CATSPERG: variants seen among roughly 807,000 people sequenced by gnomAD.
The protein encoded by CATSPERG is cation channel sperm-associated auxiliary subunit gamma.
A neutral mutation model predicts 145.0 loss-of-function variants in CATSPERG; 115 were observed. That is an observed-to-expected ratio of 0.79 (90% confidence interval 0.68 to 0.93). CATSPERG has a LOEUF of 0.93. Ranked by LOEUF, CATSPERG falls within the 40% of genes least tolerant of loss-of-function variation. The pLI is 0.00. For synonymous variants in CATSPERG, 588 were observed against 589.0 expected, an observed-to-expected ratio of 1.00 and a Z score of 0.02; for missense variants, 1,296 against 1,490.1, an observed-to-expected ratio of 0.87 and a Z score of 2.14.
intron 20 of CATSPERG, among the ~76,000 whole-genome samples, chr19:38,363,617 C>A (rs989546335): frequency 6.6e-6 from 1 of 151,500 alleles, no homozygotes; most frequent in Non-Finnish European, 1.5e-5. Flanking sequence ...TGGGGCCTTC[C>A]GCAGTGTTTG....
intron 3 of CATSPERG, 110 bp from the exon 4 acceptor site, chr19:38,343,470 G>A (rs1445118323): frequency 3.1e-6 from 3 of 970,346 alleles, no homozygotes; most frequent in Non-Finnish European, 4.5e-6. Flanking sequence ...ATGGTGGACA[G>A]TGTGCTGCCC....
chr19:38,338,509 A>G (rs183234084), intron 3 of CATSPERG, among the ~76,000 whole-genome samples: 2 of 152,060 alleles, frequency 1.3e-5, no homozygotes, highest in African/African-American at 4.8e-5. Context: ...ACACACCATA[A>G]AATTCACCAT....
At chr19:38,337,559 A>G (rs759300410) in intron 2 of CATSPERG, 34 bp from the exon 3 acceptor site, 1 of 1,551,812 alleles carries the variant, frequency 6.4e-7, no homozygotes, top group South Asian at 1.2e-5. Flanking sequence ...CACTCCACTC[A>G]TTTCTGGACG....
In CATSPERG at chr19:38,344,902, T is replaced by TATATATA. The variant is rs1491474100; in HGVS notation, c.669+534_669+535insATATATA. 1.7e-3 allele frequency among the ~76,000 whole-genome samples: 110 copies of TATATATA among 64,814 alleles called. 4 individuals carry two copies. The highest frequency in any genetic ancestry group is 5.5e-3 in the East Asian group (6 of 1,096). The allele number at this position is 64,814 out of a possible 152,430, so 42.5% of individuals were successfully genotyped here. On this transcript the variant is annotated intron_variant, in intron 6 of 28. Transcript: ENST00000409235. ...ACACACATATATATATATATATATATTTTTTTTTTTTTTTTTTTTTTTGAG... is the reference window on the plus strand; with the variant it reads ...ACACACATATATATATATATATATATATATATATTTTTTTTTTTTTTTTTTTTTTGAG...
intron 14 of CATSPERG, 121 bp from the exon 15 acceptor site, chr19:38,360,368 G>A: frequency 6.7e-7 from 1 of 1,498,164 alleles, no homozygotes; most frequent in Non-Finnish European, 8.9e-7. Context: ...TGGTCCCAGT[G>A]GAGGTGAGTT....
At position 38,344,896 on chromosome 19, in the gene CATSPERG, TATATA is replaced by T. The variant is rs1348620866; in HGVS notation, c.669+529_669+533del. 1.8e-4 allele frequency among the ~76,000 whole-genome samples: 20 copies of T among 111,084 alleles called. 4 individuals carry two copies. The highest frequency in any genetic ancestry group is 1.2e-3 in the South Asian group (4 of 3,276). 72.9% of individuals were successfully genotyped at this position (111,084 alleles called of 152,430 possible). On this transcript the variant is annotated intron_variant, in intron 6 of 28. Coordinates refer to ENST00000409235, the MANE Select transcript of CATSPERG (RefSeq NM_021185.5). ...ACACACACACACATATATATATATA[TATATA>T]TTTTTTTTTTTTTTTTTTTTTTTGA...
intron 20 of CATSPERG, among the ~76,000 whole-genome samples, chr19:38,363,595 G>C (rs2145105611): frequency 6.6e-6 from 1 of 151,520 alleles, no homozygotes; most frequent in South Asian, 2.1e-4. Flanking sequence ...GGTTTTCCTA[G>C]GCAGAGGACC....
Position 38,343,706 on chromosome 19 carries a change from GC to G in CATSPERG, c.456del (p.Phe153SerfsTer15). 2 of 1,549,966 alleles carry G rather than the reference GC, an allele frequency of 1.3e-6. No individual in the cohort carries two copies. Among genetic ancestry groups the G allele is most frequent in the Non-Finnish European group, 8.7e-7 (1 of 1,146,694 alleles). ...IEQLQIQMEA[A>X]PFRSKEPCMA... ...GCAGCTGCAGATCCAGATGGAGGCT[GC>G]CCCCTTCCGCAGCAAAGGTGGGCCT... On this transcript the variant is annotated frameshift_variant, in exon 4 of 29. Coordinates refer to ENST00000409235, the MANE Select transcript of CATSPERG (RefSeq NM_021185.5). LOFTEE classifies it high-confidence loss of function.
intron 7 of CATSPERG, among the ~76,000 whole-genome samples, chr19:38,351,805 G>A (rs1252238439): frequency 1.3e-5 from 2 of 152,008 alleles, no homozygotes; most frequent in East Asian, 1.9e-4. Flanking sequence ...CCAGCTACTC[G>A]GGAGACTGAG....
At chr19:38,353,730 C>T (rs1970192305) in intron 8 of CATSPERG, among the ~76,000 whole-genome samples, 2 of 146,020 alleles carry the variant, frequency 1.4e-5, no homozygotes, top group South Asian at 2.2e-4. Context: ...AGGCCAGGCG[C>T]GGTGGCTCAC....
At position 38,363,108 on chromosome 19, in the gene CATSPERG, G is replaced by A. The variant is rs188609679; in HGVS notation, c.2475+276G>A. ...GGCTGGAGTGCAATGGCACGATCTC[G>A]GCTCACTGTAACCTCTGCCTCCCAG... On this transcript the variant is annotated intron_variant, in intron 20 of 28. Coordinates refer to ENST00000409235, the MANE Select transcript of CATSPERG (RefSeq NM_021185.5). Among the ~76,000 whole-genome samples the A allele has an allele frequency of 1.6e-3, 245 of 152,024 alleles. 1 individual carries two copies. Among genetic ancestry groups the A allele is most frequent in the African/African-American group, 5.6e-3 (233 of 41,440 alleles).
Position 38,364,923 on chromosome 19 carries a change from C to T in CATSPERG, c.2508C>T (p.Asp836=). The change falls in exon 21 of 29, where the codon GAC becomes GAT. Residue 836 remains aspartate (D), a synonymous_variant. Transcript: ENST00000409235. ...TCAAGGATAAAAAGCTTTGCTATGACCAAGGCATTAGTGGACATCACCTTA... is the reference window on the plus strand; with the variant it reads ...TCAAGGATAAAAAGCTTTGCTATGATCAAGGCATTAGTGGACATCACCTTA... ...ITLKDKKLCY[D]QGISGHHLME... 6.2e-7 allele frequency: 1 copy of T among 1,614,102 alleles called. No individual in the cohort carries two copies. Among genetic ancestry groups the T allele is most frequent in the Admixed American group, 1.7e-5 (1 of 60,022 alleles).
chr19:38,356,780 G>A lies in CATSPERG; in HGVS notation c.1234G>A (p.Gly412Ser). The A allele has an allele frequency of 1.2e-6, 2 of 1,614,174 alleles. No homozygotes were observed. Among genetic ancestry groups the A allele is most frequent in the Non-Finnish European group, 1.7e-6 (2 of 1,180,022 alleles). Residue 412 changes from glycine (G) to serine (S), a missense_variant, in exon 11 of 29, where the codon GGT (glycine) becomes AGT (serine). Gly to Ser is a moderately conservative substitution (Grantham distance 56). Transcript: ENST00000409235. ...CATAATTTGGTCTGAATACATCGCG[G>A]GTGAGTATACTCTACTGCTGCTGGT... is the stretch of plus-strand genomic sequence containing the variant. Reference protein sequence around the residue: ...CSIIWSEYIAGEYTLLLLVES... With the variant: ...CSIIWSEYIASEYTLLLLVES...
chr19:38,360,976 C>A, intron 16 of CATSPERG, 133 bp downstream of exon 16: 1 of 745,496 alleles, frequency 1.3e-6, no homozygotes, highest in Non-Finnish European at 2.2e-6. Context: ...AGGAGTTCAG[C>A]ACTTATGGAA....
At chr19:38,362,178 A>G (rs749188969) in intron 17 of CATSPERG, 32 bp from the exon 18 acceptor site, 1 of 1,562,272 alleles carries the variant, frequency 6.4e-7, no homozygotes, top group Admixed American at 1.9e-5. Context: ...CCCGCTGCCC[A>G]ATCCCTTCAC....
chr19:38,353,441 C>T (rs1050889251), intron 8 of CATSPERG, among the ~76,000 whole-genome samples: 12 of 152,272 alleles, frequency 7.9e-5, no homozygotes, highest in Admixed American at 7.2e-4. Context: ...GTAATCCCAG[C>T]ACTTTGGGAG....
At chr19:38,358,702 T>A in intron 13 of CATSPERG, 141 bp downstream of exon 13, 1 of 1,001,972 alleles carries the variant, frequency 1.0e-6, no homozygotes, top group Non-Finnish European at 1.5e-6. Flanking sequence ...ACCAGGACTG[T>A]GATGAGGAAC....
chr19:38,342,431 C>G (rs1467354651), intron 3 of CATSPERG, among the ~76,000 whole-genome samples: 1 of 151,678 alleles, frequency 6.6e-6, no homozygotes, highest in African/African-American at 2.4e-5. Flanking sequence ...GAAACCTCAT[C>G]TTTACTAAAA....
At chr19:38,345,035 T>C (rs1021674994) in intron 6 of CATSPERG, among the ~76,000 whole-genome samples, 1 of 149,168 alleles carries the variant, frequency 6.7e-6, no homozygotes, top group Non-Finnish European at 1.5e-5. Context: ...GCCTCCCAAG[T>C]AGCTGGGACC....
Sources: allele counts gnomAD v4.1 joint callset (sites outside exome capture counted in the v4.1 genomes callset), GRCh38; gene constraint gnomAD v4.1.1; transcripts MANE v1.5; gene names NCBI Gene and HGNC (gene_info 2026-07-23, HGNC 2026-07-21).